The following MAGI1 variants were observed in gnomAD, a reference collection of about 807,000 sequenced individuals.
MAGI1 encodes the protein membrane-associated guanylate kinase, WW and PDZ domain-containing protein 1.
MAGI1 carries 58 observed loss-of-function variants against 139.9 expected under a neutral mutation model. That is an observed-to-expected ratio of 0.41 (90% CI 0.34 to 0.52). The LOEUF (loss-of-function observed/expected upper bound fraction) is 0.52, where lower values mean the gene tolerates loss of function less well. Among genes scored for constraint, MAGI1 ranks in the 20% least tolerant of loss-of-function variants. The probability of loss-of-function intolerance (pLI) is 0.12; values close to 1 mark genes in which losing one functional copy is unlikely to be tolerated. For missense variants in MAGI1, 1,874 were observed against 1,901.6 expected (o/e 0.99, Z 0.27); for synonymous variants, 812 against 737.9 (o/e 1.10, Z -1.63).
chr3:65,359,175 C>T (rs763448538), intron 22 of MAGI1: 1 of 1,610,694 alleles, frequency 6.2e-7, no homozygotes, highest in Non-Finnish European at 8.5e-7. Flanking sequence ...GGGCCCAGCA[C>T]CAAGAACAGT....
intron 1 of MAGI1, among the ~76,000 whole-genome samples, chr3:65,724,527 G>A (rs761851640): frequency 2.0e-5 from 3 of 152,088 alleles, no homozygotes; most frequent in Non-Finnish European, 2.9e-5. Context: ...GGCTTTTCCC[G>A]TTTTGTTCAT....
chr3:65,729,627 A>AT (rs960474275), intron 1 of MAGI1, among the ~76,000 whole-genome samples: 2 of 152,130 alleles, frequency 1.3e-5, no homozygotes, highest in Admixed American at 6.6e-5. Context: ...GCAAGGCCAA[A>AT]TTCCTTGAGC....
chr3:65,754,801 A>C (rs1196235654), intron 1 of MAGI1, among the ~76,000 whole-genome samples: 3 of 152,222 alleles, frequency 2.0e-5, no homozygotes, highest in Non-Finnish European at 4.4e-5. Context: ...TCGGAGACTA[A>C]ATCTTGGAGA....
At chr3:65,500,635 G>C (rs992296337) in intron 2 of MAGI1, among the ~76,000 whole-genome samples, 1 of 152,122 alleles carries the variant, frequency 6.6e-6, no homozygotes, top group African/African-American at 2.4e-5. Flanking sequence ...AATCCTACTG[G>C]TGAAATTCTG....
At chr3:65,810,217 T>C (rs758395431) in intron 1 of MAGI1, among the ~76,000 whole-genome samples, 7 of 152,268 alleles carry the variant, frequency 4.6e-5, no homozygotes, top group African/African-American at 1.4e-4. Flanking sequence ...TTTAGATACT[T>C]TGGCACATTG....
intron 2 of MAGI1, among the ~76,000 whole-genome samples, chr3:65,582,341 G>A (rs1468583069): frequency 2.0e-5 from 3 of 152,208 alleles, no homozygotes; most frequent in African/African-American, 4.8e-5. Context: ...CACCAGGCAC[G>A]TGGGAGAGGC....
At chr3:65,734,246 G>C (rs953156214) in intron 1 of MAGI1, among the ~76,000 whole-genome samples, 4 of 152,094 alleles carry the variant, frequency 2.6e-5, no homozygotes, top group Non-Finnish European at 4.4e-5. Flanking sequence ...AGGAAGGCTT[G>C]ATCCCAGGAG....
rs747398888 is a variant in MAGI1, at chr3:65,478,749, T to C, written c.600A>G (p.Lys200=). 2 of 1,614,140 alleles carry C rather than the reference T, an allele frequency of 1.2e-6. No individual in the cohort carries two copies. The highest frequency in any genetic ancestry group is 2.2e-5 in the East Asian group (1 of 44,878). Residue 200 remains lysine, a synonymous_variant, in exon 4 of 23, where the codon AAA becomes AAG. Transcript: ENST00000402939. ...PKPPSQPVSG[K]VITTDALHSL... ...TGTGCAAGGCATCCGTCGTGATCAC[T>C]TTCCCACTGACTGGCTGGCTAGGAG...
chr3:65,959,622 A>G (rs1276479893), intron 1 of MAGI1, among the ~76,000 whole-genome samples: 2 of 142,546 alleles, frequency 1.4e-5, no homozygotes, highest in African/African-American at 5.2e-5. Flanking sequence ...TATTATTATT[A>G]TTATTATTAT....
At chr3:65,466,366 T>C (rs1448570007) in intron 5 of MAGI1, among the ~76,000 whole-genome samples, 2 of 152,162 alleles carry the variant, frequency 1.3e-5, no homozygotes, top group Non-Finnish European at 2.9e-5. Flanking sequence ...AAACCTTCTA[T>C]GGGCTTTTCC....
chr3:65,922,750 CA>C (rs2062272215), intron 1 of MAGI1, among the ~76,000 whole-genome samples: 1 of 152,190 alleles, frequency 6.6e-6, no homozygotes, highest in African/African-American at 2.4e-5. Context: ...GCCAGCACTT[CA>C]TCCCCAAAGA....
At chr3:65,364,615 G>T (rs993022942) in intron 20 of MAGI1, 50 bp downstream of exon 20, 2 of 1,509,396 alleles carry the variant, frequency 1.3e-6, no homozygotes, top group Non-Finnish European at 1.8e-6. Flanking sequence ...GCTTGAGAAA[G>T]TTGGAAGGAA....
intron 1 of MAGI1, among the ~76,000 whole-genome samples, chr3:65,894,383 G>C (rs1259639502): frequency 6.6e-6 from 1 of 152,056 alleles, no homozygotes; most frequent in Non-Finnish European, 1.5e-5. Flanking sequence ...CATCTAAACT[G>C]AGTTGTTCCT....
chr3:65,702,937 T>C (rs2089715873), intron 1 of MAGI1, among the ~76,000 whole-genome samples: 1 of 151,954 alleles, frequency 6.6e-6, no homozygotes, highest in Non-Finnish European at 1.5e-5. Flanking sequence ...CTTCCTTAGA[T>C]CTCTGAGATG....
intron 2 of MAGI1, chr3:65,499,041 G>A (rs1274758204): frequency 1.0e-6 from 1 of 964,280 alleles, no homozygotes. Flanking sequence ...ATCTCAAACA[G>A]ATAGAAGAAA....
chr3:65,522,083 C>G (rs181965450), intron 2 of MAGI1, among the ~76,000 whole-genome samples: 2 of 152,182 alleles, frequency 1.3e-5, no homozygotes, highest in Non-Finnish European at 2.9e-5. Context: ...CTTACAATGG[C>G]CTTCACCAAG....
chr3:65,943,360 G>C (rs2063401174), intron 1 of MAGI1, among the ~76,000 whole-genome samples: 1 of 152,112 alleles, frequency 6.6e-6, no homozygotes, highest in African/African-American at 2.4e-5. Context: ...CAGATCACGA[G>C]GTCAGGAGTT....
At chr3:66,003,714 T>A (rs974203033) in intron 1 of MAGI1, 1 of 151,744 alleles carries the variant, frequency 6.6e-6, no homozygotes, top group African/African-American at 2.4e-5. Flanking sequence ...AGTGATCCAC[T>A]CACCTCGGCC....
chr3:65,541,741 CAA>C (rs2079235843), intron 2 of MAGI1, among the ~76,000 whole-genome samples: 1 of 152,068 alleles, frequency 6.6e-6, no homozygotes, highest in Non-Finnish European at 1.5e-5. Context: ...TAAAAATTCT[CAA>C]AAAACTAGGT....
Sources: allele counts gnomAD v4.1 joint callset (sites outside exome capture counted in the v4.1 genomes callset), GRCh38; gene constraint gnomAD v4.1.1; transcripts MANE v1.5; gene names NCBI Gene and HGNC (gene_info 2026-07-23, HGNC 2026-07-21).